The following TRMO variants were observed in gnomAD, a reference collection of about 807,000 sequenced individuals.
TRMO encodes the protein tRNA (adenine(37)-N6)-methyltransferase.
In TRMO, 30 loss-of-function variants were observed where a neutral mutation model predicts 37.2. That is an observed-to-expected ratio of 0.81 (90% CI 0.60 to 1.09). TRMO has a LOEUF of 1.09. Among genes scored for constraint, TRMO ranks in the 50% least tolerant of loss-of-function variants. TRMO has a pLI of 0.00. For synonymous variants in TRMO, 239 were observed against 199.4 expected (o/e 1.20, Z -1.67); for missense variants, 552 against 549.5 (o/e 1.00, Z -0.05).
chr9:97,910,054 C>T lies in TRMO; in HGVS notation c.972G>A (p.Val324=). 1 of 1,612,482 alleles carries T rather than the reference C, an allele frequency of 6.2e-7. No homozygotes were observed. Among genetic ancestry groups the T allele is most frequent in the Non-Finnish European group, 8.5e-7 (1 of 1,178,728 alleles). Residue 324 remains valine (V), a synonymous_variant, in exon 4 of 5, where the codon GTG becomes GTA. Transcript: ENST00000375119. Reference sequence around the variant, plus strand: ...GAGCCTCTGTCACCCAGGCAGGAACCACGCTGCGGGGAGCTCCATCAGCCC... The same window carrying T: ...GAGCCTCTGTCACCCAGGCAGGAACTACGCTGCGGGGAGCTCCATCAGCCC... The part of the protein sequence containing the change: ...AGRADGAPRS[V]VPAWVTEAPV...
intron 2 of TRMO, among the ~76,000 whole-genome samples, chr9:97,915,245 TTTC>T (rs1826302073): frequency 6.6e-6 from 1 of 152,168 alleles, no homozygotes; most frequent in East Asian, 1.9e-4. Context: ...AGTATCCAGA[TTTC>T]TACAGTGTCT....
At chr9:97,916,856 C>T (rs1826390786) in intron 1 of TRMO, among the ~76,000 whole-genome samples, 1 of 151,268 alleles carries the variant, frequency 6.6e-6, no homozygotes, top group African/African-American at 2.4e-5. Flanking sequence ...CAGGCGCCCA[C>T]CACCACGCTC....
At chr9:97,907,801 C>A (rs1242991233) in intron 4 of TRMO, among the ~76,000 whole-genome samples, 1 of 152,160 alleles carries the variant, frequency 6.6e-6, no homozygotes, top group African/African-American at 2.4e-5. Context: ...TTCCGCTCAG[C>A]CCTCCTCAGT....
intron 4 of TRMO, among the ~76,000 whole-genome samples, chr9:97,909,278 C>G (rs533279687): frequency 6.6e-6 from 1 of 152,170 alleles, no homozygotes; most frequent in African/African-American, 2.4e-5. Flanking sequence ...TTACTGGTAT[C>G]GCTGTATCCA....
rs760353058 is a variant in TRMO, at chr9:97,904,793, C to T, written c.1266G>A (p.Pro422=). The T allele has an allele frequency of 2.0e-5, 33 of 1,614,016 alleles. No individual in the cohort carries two copies. In the South Asian group the frequency reaches 2.1e-4, roughly 10 times the overall value. The change falls in exon 5 of 5, where the codon CCG becomes CCA. Residue 422 remains proline (P), a synonymous_variant. Coordinates refer to ENST00000375119, the MANE Select transcript of TRMO (RefSeq NM_016481.5). ...CAGTCATATGAACAGGCTCAGAAGC[C>T]GGCTTGATCCTCAGCACCTCTGCAA... ...DGFAEVLRIK[P]ASEPVHMTGP...
At position 97,904,957 on chromosome 9, in the gene TRMO, C is replaced by T; in HGVS notation, c.1102G>A (p.Ala368Thr). 6.2e-7 allele frequency: 1 copy of T among 1,613,946 alleles called. No individual in the cohort carries two copies. The highest frequency in any genetic ancestry group is 1.6e-4 in the Middle Eastern group (1 of 6,062). Residue 368 changes from alanine to threonine, a missense_variant, in exon 5 of 5, where the codon GCA becomes ACA. Physicochemically the swap from Ala to Thr is moderately conservative, Grantham distance 58 (BLOSUM62 0). Coordinates refer to ENST00000375119, the MANE Select transcript of TRMO (RefSeq NM_016481.5). Reference sequence around the variant, plus strand: ...TCAATGGCACGCTTTGCTTCCTCTGCTGACTGAAAATATTTAAATGACGCC... The same window carrying T: ...TCAATGGCACGCTTTGCTTCCTCTGTTGACTGAAAATATTTAAATGACGCC... The part of the protein sequence containing the change: ...GQASFKYFQS[A>T]EEAKRAIEAV...
chr9:97,915,980 A>C (rs1284541896), intron 2 of TRMO, among the ~76,000 whole-genome samples, 184 bp downstream of exon 2: 1 of 152,102 alleles, frequency 6.6e-6, no homozygotes, highest in Non-Finnish European at 1.5e-5. Context: ...GGCAGAGGTT[A>C]CAGTGCGCTG....
At chr9:97,913,317 TA>T in intron 3 of TRMO, 83 bp downstream of exon 3, 2 of 1,534,298 alleles carry the variant, frequency 1.3e-6, no homozygotes, top group South Asian at 1.1e-5. Context: ...CTCGTCTGAA[TA>T]AACAGCCAGT....
intron 4 of TRMO, among the ~76,000 whole-genome samples, chr9:97,907,757 G>A (rs530493234): frequency 6.6e-6 from 1 of 152,014 alleles, no homozygotes; most frequent in Non-Finnish European, 1.5e-5. Flanking sequence ...AGGTGACCTC[G>A]TCCCTTTTCT....
At chr9:97,902,310 GT>G (rs1394483258), downstream of TRMO, among the ~76,000 whole-genome samples, 1 of 151,860 alleles carries the variant, frequency 6.6e-6, no homozygotes. Flanking sequence ...ATTTTTGTGG[GT>G]TTTTTTTGAG....
intron 4 of TRMO, among the ~76,000 whole-genome samples, chr9:97,906,533 T>C (rs549726332): frequency 6.6e-6 from 1 of 152,254 alleles, no homozygotes; most frequent in Non-Finnish European, 1.5e-5. Flanking sequence ...AAGTCACTTC[T>C]TATTTCTGCA....
the TRMO span, among the ~76,000 whole-genome samples, chr9:97,898,566 T>G: frequency 6.6e-5 from 10 of 152,010 alleles, no homozygotes; most frequent in African/African-American, 2.4e-4. Flanking sequence ...AAAAAAAATT[T>G]TGTTTTAGAG....
chr9:97,919,595 A>G (rs1267343890), intron 1 of TRMO, among the ~76,000 whole-genome samples: 4 of 152,224 alleles, frequency 2.6e-5, no homozygotes, highest in African/African-American at 2.4e-5. Flanking sequence ...CCATGCTTCA[A>G]TATCATGGGA....
chr9:97,909,023 C>T (rs766436238), intron 4 of TRMO, among the ~76,000 whole-genome samples: 9 of 152,194 alleles, frequency 5.9e-5, no homozygotes, highest in Non-Finnish European at 1.3e-4. Context: ...GGCAACATCT[C>T]GGCTCACTGT....
chr9:97,913,416 G>C lies in TRMO; in HGVS notation c.394C>G (p.Leu132Val), dbSNP rs1348030844. 19 of 1,613,940 alleles carry C rather than the reference G, an allele frequency of 1.2e-5. No homozygotes were observed. Among genetic ancestry groups the C allele is most frequent in the South Asian group, 5.5e-5 (5 of 91,084 alleles). Reference sequence around the variant, plus strand: ...AATGGGTTACCTTCTACCTTTTCCAGCTTGGCCAGGGTCAGTCCTATTGCA... The same window carrying C: ...AATGGGTTACCTTCTACCTTTTCCACCTTGGCCAGGGTCAGTCCTATTGCA... ...PNAIGLTLAK[L>V]EKVEGGAIYL... The change falls in exon 3 of 5, where the codon CTG (leucine) becomes GTG (valine). Residue 132 changes from leucine to valine, a missense_variant. Leu to Val is a conservative substitution (Grantham distance 32). Coordinates refer to ENST00000375119, the MANE Select transcript of TRMO (RefSeq NM_016481.5).
downstream of TRMO, among the ~76,000 whole-genome samples, chr9:97,900,442 G>A (rs144993625): frequency 7.2e-5 from 11 of 152,360 alleles, no homozygotes; most frequent in African/African-American, 2.4e-4. Flanking sequence ...GGGAATGGGC[G>A]TTTCTGCCCT....
chr9:97,907,179 C>A (rs576466699), intron 4 of TRMO, among the ~76,000 whole-genome samples: 12 of 152,226 alleles, frequency 7.9e-5, no homozygotes, highest in South Asian at 2.1e-4. Context: ...ACTGCCGTGT[C>A]CAGAAGTGCA....
rs537572715 is a variant in TRMO at position 97,910,614 on chromosome 9, C to T, written c.412G>A (p.Gly138Arg). The change falls in exon 4 of 5, where the codon GGA becomes AGA. Residue 138 changes from glycine to arginine, a missense_variant and splice_region_variant. By Grantham distance (125) the Gly-to-Arg change is moderately radical. Coordinates refer to ENST00000375119, the MANE Select transcript of TRMO (RefSeq NM_016481.5). ...TCAATTCCAGAAAGGTATATAGCTC[C>T]ACCTATGACATAAAAACGTGAAAAA... is the stretch of plus-strand genomic sequence containing the variant. The part of the protein sequence containing the change: ...TLAKLEKVEG[G>R]AIYLSGIDMI... 9.9e-6 allele frequency: 16 copies of T among 1,612,282 alleles called. No homozygotes were observed. Among genetic ancestry groups the T allele is most frequent in the Middle Eastern group, 1.7e-4 (1 of 6,048 alleles).
At chr9:97,902,010 C>A (rs1430999955), downstream of TRMO, among the ~76,000 whole-genome samples, 3 of 152,110 alleles carry the variant, frequency 2.0e-5, no homozygotes, top group Non-Finnish European at 4.4e-5. Flanking sequence ...CTGAAGAAAA[C>A]GGGGGTGCTC....
Sources: allele counts gnomAD v4.1 joint callset (sites outside exome capture counted in the v4.1 genomes callset), GRCh38; gene constraint gnomAD v4.1.1; transcripts MANE v1.5; gene names NCBI Gene and HGNC (gene_info 2026-07-23, HGNC 2026-07-21).